The following CDH4 variants were observed in gnomAD, a reference collection of about 807,000 sequenced individuals.
CDH4 encodes cadherin-4.
A neutral mutation model predicts 86.0 loss-of-function variants in CDH4; 33 were observed. The observed-to-expected ratio is 0.38, with a 90% confidence interval of 0.29 to 0.51. The LOEUF (loss-of-function observed/expected upper bound fraction) is 0.51, where lower values mean the gene tolerates loss of function less well. Among genes scored for constraint, CDH4 ranks in the 20% least tolerant of loss-of-function variants. The pLI is 0.86. For missense variants in CDH4, 1,114 were observed against 1,307.4 expected, an observed-to-expected ratio of 0.85 and a Z score of 2.28; for synonymous variants, 555 against 549.4, an observed-to-expected ratio of 1.01 and a Z score of -0.14.
At chr20:61,361,344 A>G (rs2123319130) in intron 2 of CDH4, among the ~76,000 whole-genome samples, 1 of 152,274 alleles carries the variant, frequency 6.6e-6, no homozygotes, top group African/African-American at 2.4e-5. Flanking sequence ...AGCTTTCATG[A>G]TCACATGTGT....
intron 2 of CDH4, among the ~76,000 whole-genome samples, chr20:61,352,122 C>T (rs1177040716): frequency 2.0e-5 from 3 of 152,136 alleles, no homozygotes; most frequent in Non-Finnish European, 4.4e-5. Flanking sequence ...TTTTTCTGTG[C>T]TCACTCACCG....
chr20:61,329,445 C>CTCATGGGTCTGGGA (rs796439025), intron 2 of CDH4, among the ~76,000 whole-genome samples: 6 of 35,442 alleles, frequency 1.7e-4, no homozygotes, highest in East Asian at 6.3e-4. Context: ...TCATGGTCCC[C>CTCATGGGTCTGGGA]CGTGGGTCTG....
chr20:61,523,460 G>A (rs1411140238), intron 2 of CDH4, among the ~76,000 whole-genome samples: 1 of 152,232 alleles, frequency 6.6e-6, no homozygotes, highest in African/African-American at 2.4e-5. Flanking sequence ...ATTTGCCTCC[G>A]TCATTCCCCG....
At chr20:61,734,832 G>T (rs898392270) in intron 2 of CDH4, among the ~76,000 whole-genome samples, 5 of 152,214 alleles carry the variant, frequency 3.3e-5, no homozygotes, top group African/African-American at 9.6e-5. Context: ...CACAAAGCGC[G>T]CACAGTCACA....
intron 2 of CDH4, among the ~76,000 whole-genome samples, chr20:61,591,812 G>A (rs56381342): frequency 0.047 from 7,201 of 152,070 alleles, 269 homozygotes; most frequent in Middle Eastern, 0.11. Flanking sequence ...TCCATTATAC[G>A]GCAGTTTAAA....
At chr20:61,828,008 A>T (rs1487374903) in intron 4 of CDH4, among the ~76,000 whole-genome samples, 1 of 152,236 alleles carries the variant, frequency 6.6e-6, no homozygotes, top group African/African-American at 2.4e-5. Context: ...ATAAAGCAAA[A>T]GAACTAAGCA....
At chr20:61,916,215 G>A (rs1344746516) in intron 9 of CDH4, among the ~76,000 whole-genome samples, 2 of 152,160 alleles carry the variant, frequency 1.3e-5, no homozygotes, top group South Asian at 2.1e-4. Context: ...GGCGGGTGGT[G>A]TGGGAGGTAG....
intron 4 of CDH4, among the ~76,000 whole-genome samples, chr20:61,794,436 C>T (rs908636651): frequency 6.6e-6 from 1 of 152,212 alleles, no homozygotes; most frequent in African/African-American, 2.4e-5. Flanking sequence ...TGCTCATACA[C>T]CAAGTCCCTT....
intron 2 of CDH4, among the ~76,000 whole-genome samples, chr20:61,548,940 G>A (rs1385824794): frequency 2.6e-5 from 4 of 152,018 alleles, no homozygotes; most frequent in African/African-American, 4.8e-5. Context: ...GAGAGTGCAA[G>A]TCATGTATCT....
At chr20:61,889,137 G>C (rs915757068) in intron 7 of CDH4, among the ~76,000 whole-genome samples, 1 of 152,136 alleles carries the variant, frequency 6.6e-6, no homozygotes, top group Non-Finnish European at 1.5e-5. Context: ...CCTCTAGTGA[G>C]CCCCCACCTT....
At chr20:61,356,276 A>G (rs1273940640) in intron 2 of CDH4, among the ~76,000 whole-genome samples, 1 of 152,148 alleles carries the variant, frequency 6.6e-6, no homozygotes, top group Non-Finnish European at 1.5e-5. Context: ...CCGCAGCTGG[A>G]CTGTAACCTG....
chr20:61,652,938 A>ATTTTTAT, intron 2 of CDH4, among the ~76,000 whole-genome samples: 1 of 97,402 alleles, frequency 1.0e-5, no homozygotes, highest in Non-Finnish European at 2.4e-5. Context: ...TTATTTATTT[A>ATTTTTAT]TTTTTTTTTT....
At chr20:61,567,809 C>T (rs1407028397) in intron 2 of CDH4, among the ~76,000 whole-genome samples, 2 of 151,956 alleles carry the variant, frequency 1.3e-5, no homozygotes, top group African/African-American at 4.8e-5. Context: ...CGGCAAAACC[C>T]CGTATGTTAA....
intron 2 of CDH4, among the ~76,000 whole-genome samples, chr20:61,577,395 A>G (rs2086390354): frequency 6.6e-6 from 1 of 152,086 alleles, no homozygotes; most frequent in Non-Finnish European, 1.5e-5. Flanking sequence ...TTGTATATTG[A>G]AGGATGAGTG....
In CDH4 at chr20:61,811,578, T is replaced by C. The variant is rs557910880; in HGVS notation, c.577-33090T>C. On this transcript the variant is annotated intron_variant, in intron 4 of 15. Coordinates refer to ENST00000614565, the MANE Select transcript of CDH4 (RefSeq NM_001794.5). This position sits in a 1 kb window ranked among gnomAD's most constrained non-coding sequence, Gnocchi z 4.4. Reference sequence around the variant, plus strand: ...CAGGGCTCCCTGGCCTTGCCAGTGCTACTGTGTGAAAGCGGAGCCCACCAG... The same window carrying C: ...CAGGGCTCCCTGGCCTTGCCAGTGCCACTGTGTGAAAGCGGAGCCCACCAG... Among the ~76,000 whole-genome samples the C allele has an allele frequency of 6.6e-6, 1 of 152,200 alleles. No individual in the cohort carries two copies. The highest frequency in any genetic ancestry group is 6.5e-5 in the Admixed American group (1 of 15,294).
intron 2 of CDH4, among the ~76,000 whole-genome samples, chr20:61,539,068 C>T (rs777227172): frequency 1.6e-4 from 24 of 152,158 alleles, no homozygotes; most frequent in Middle Eastern, 3.2e-3. Flanking sequence ...ACAGCAGATC[C>T]GCAGCGGGTC....
intron 2 of CDH4, among the ~76,000 whole-genome samples, chr20:61,637,343 G>A (rs911088580): frequency 3.3e-5 from 5 of 152,130 alleles, no homozygotes; most frequent in African/African-American, 9.7e-5. Flanking sequence ...TCCCCTACCC[G>A]CAGCCCTGAG....
intron 8 of CDH4, among the ~76,000 whole-genome samples, chr20:61,905,428 C>T (rs568216925): frequency 2.0e-5 from 3 of 152,294 alleles, no homozygotes; most frequent in Admixed American, 1.3e-4. Flanking sequence ...GACAGGCCCT[C>T]GCTAAAACAG....
intron 2 of CDH4, among the ~76,000 whole-genome samples, chr20:61,565,193 T>TGG (rs1568688306): frequency 9.6e-5 from 8 of 83,462 alleles, no homozygotes; most frequent in African/African-American, 1.9e-4. Flanking sequence ...GGTGGTCCTC[T>TGG]TGGTGGTGGT....
Sources: gnomAD v4.1 joint callset for allele counts (sites outside exome capture counted in the v4.1 genomes callset) on GRCh38, gnomAD v4.1.1 for gene constraint, Gnocchi (gnomAD v3.1) non-coding constraint, MANE v1.5 for transcripts, NCBI Gene and HGNC (gene_info 2026-07-23, HGNC 2026-07-21) for gene names.